Variants in COP1 observed in about 807,000 individuals in gnomAD.
COP1 encodes the protein COP1 E3 ubiquitin ligase.
Under a neutral mutation model 101.3 loss-of-function variants are expected in COP1, and 24 were observed. The observed-to-expected ratio is 0.24, with a 90% CI of 0.17 to 0.33. The LOEUF (loss-of-function observed/expected upper bound fraction) is 0.33, where lower values mean the gene tolerates loss of function less well. Ranked by LOEUF, COP1 falls within the 10% of genes least tolerant of loss-of-function variation. The probability of loss-of-function intolerance (pLI) is 1.00; values close to 1 mark genes in which losing one functional copy is unlikely to be tolerated. For missense variants in COP1, 663 were observed against 906.2 expected, an observed-to-expected ratio of 0.73 and a Z score of 3.45; for synonymous variants, 347 against 341.9, an observed-to-expected ratio of 1.01 and a Z score of -0.17.
At chr1:176,132,172 G>A (rs1232056672) in intron 8 of COP1, among the ~76,000 whole-genome samples, 1 of 151,614 alleles carries the variant, frequency 6.6e-6, no homozygotes, top group Non-Finnish European at 1.5e-5. Context: ...GGTTGAGAGG[G>A]ACACATCTTC....
At chr1:175,985,576 G>A (rs1405526683) in intron 18 of COP1, among the ~76,000 whole-genome samples, 2 of 152,254 alleles carry the variant, frequency 1.3e-5, no homozygotes, top group African/African-American at 4.8e-5. Context: ...TCCAATCCCT[G>A]CAACCCTGTG....
intron 11 of COP1, among the ~76,000 whole-genome samples, chr1:176,063,217 G>A (rs942798268): frequency 3.9e-4 from 59 of 151,622 alleles, no homozygotes; most frequent in African/African-American, 1.1e-3. Flanking sequence ...CCGCCACCGC[G>A]CCTGGCTAAT....
rs558126538 is a variant in COP1, at chr1:175,980,599, C to T, written c.2133+6344G>A. The stretch of plus-strand genomic sequence containing the variant: ...ATCTGTTATCCTGATCCCTGCCTCC[C>T]CTAACCCTAAAGCTACAGAAACTTT... On this transcript the variant is annotated intron_variant, in intron 18 of 19. Transcript: ENST00000367669. 3.3e-5 allele frequency among the ~76,000 whole-genome samples: 5 copies of T among 152,140 alleles called. No individual in the cohort carries two copies. In the South Asian group the frequency reaches 1.0e-3, roughly 32 times the overall value.
intron 11 of COP1, among the ~76,000 whole-genome samples, chr1:176,046,879 T>TC (rs1209900535): frequency 3.9e-5 from 6 of 151,902 alleles, no homozygotes. Context: ...CCATACCTAA[T>TC]CCCCCTCCCC....
At chr1:175,997,961 T>A (rs1287575726) in intron 15 of COP1, among the ~76,000 whole-genome samples, 1 of 151,408 alleles carries the variant, frequency 6.6e-6, no homozygotes, top group Non-Finnish European at 1.5e-5. Flanking sequence ...TTATGTTTAT[T>A]GCGGCACTAC....
At chr1:175,955,766 CCACACACACACACACA>C (rs60306255) in intron 18 of COP1, among the ~76,000 whole-genome samples, 2 of 129,192 alleles carry the variant, frequency 1.5e-5, no homozygotes, top group African/African-American at 2.8e-5. Flanking sequence ...TAGAGACAAA[CCACACACACACACACA>C]CACACACACA....
At chr1:176,105,742 C>T (rs938704111) in intron 9 of COP1, among the ~76,000 whole-genome samples, 66 of 152,096 alleles carry the variant, frequency 4.3e-4, no homozygotes, top group Non-Finnish European at 7.6e-4. Context: ...GTTGTTTTGG[C>T]GCAAAACACA....
rs951722365 is a variant in COP1, at chr1:176,031,496, G to A, written c.1613-3808C>T. On this transcript the variant is annotated intron_variant, in intron 14 of 19. Coordinates refer to ENST00000367669, the MANE Select transcript of COP1 (RefSeq NM_022457.7). ...AATTTAAATTTCAGAATTTATTGAC[G>A]AAAATTCCCTTCGAAAGAAAAAGTA... Among the ~76,000 whole-genome samples the A allele has an allele frequency of 3.9e-5, 6 of 152,118 alleles. No homozygotes were observed. The East Asian group carries it at 5.8e-4, about 15-fold the overall frequency.
intron 9 of COP1, among the ~76,000 whole-genome samples, chr1:176,093,378 A>T (rs1207498401): frequency 6.6e-6 from 1 of 152,168 alleles, no homozygotes; most frequent in Non-Finnish European, 1.5e-5. Context: ...TAATAATACT[A>T]AGATTGTAAT....
intron 11 of COP1, among the ~76,000 whole-genome samples, chr1:176,049,580 CT>C (rs890217844): frequency 1.3e-5 from 2 of 152,114 alleles, no homozygotes; most frequent in East Asian, 1.9e-4. Flanking sequence ...GGTCCCCCCC[CT>C]CAAACCACCT....
At chr1:176,154,478 C>CATAAAAAAGGAGA (rs1693148926) in intron 5 of COP1, among the ~76,000 whole-genome samples, 1 of 152,160 alleles carries the variant, frequency 6.6e-6, no homozygotes, top group Non-Finnish European at 1.5e-5. Flanking sequence ...AGATCACGTC[C>CATAAAAAAGGAGA]TCTGCAGGAA....
intron 16 of COP1, 108 bp downstream of exon 16, chr1:175,989,254 C>A: frequency 1.8e-6 from 1 of 565,590 alleles, no homozygotes; most frequent in Non-Finnish European, 3.2e-6. Flanking sequence ...AGAAAAAGTA[C>A]ATATACTCCA....
intron 14 of COP1, among the ~76,000 whole-genome samples, chr1:176,030,264 A>G (rs1668433097): frequency 6.6e-6 from 1 of 152,202 alleles, no homozygotes; most frequent in Non-Finnish European, 1.5e-5. Flanking sequence ...CTAAGATGAG[A>G]TGGCTCCCTG....
chr1:175,983,472 G>A (rs1354446159), intron 18 of COP1, among the ~76,000 whole-genome samples: 1 of 152,184 alleles, frequency 6.6e-6, no homozygotes, highest in Non-Finnish European at 1.5e-5. Flanking sequence ...GTGGAACTGC[G>A]AGTCCAATAA....
At chr1:176,078,310 A>G (rs1202895185) in intron 11 of COP1, among the ~76,000 whole-genome samples, 1 of 152,128 alleles carries the variant, frequency 6.6e-6, no homozygotes, top group East Asian at 1.9e-4. Context: ...CATAAGACCA[A>G]TGGAATAGAA....
At chr1:176,077,868 T>C (rs1192667363) in intron 11 of COP1, among the ~76,000 whole-genome samples, 2 of 151,040 alleles carry the variant, frequency 1.3e-5, no homozygotes, top group Non-Finnish European at 2.9e-5. Context: ...ACATTCTAGC[T>C]GAGAAAGAAA....
intron 9 of COP1, among the ~76,000 whole-genome samples, chr1:176,109,261 C>T (rs1338648349): frequency 6.6e-6 from 1 of 151,956 alleles, no homozygotes; most frequent in African/African-American, 2.4e-5. Context: ...CTTCTTTCTT[C>T]ATTTCTATAG....
chr1:176,054,534 T>C (rs1289155461), intron 11 of COP1, among the ~76,000 whole-genome samples: 7 of 152,196 alleles, frequency 4.6e-5, no homozygotes, highest in African/African-American at 1.7e-4. Flanking sequence ...AGGCTCCCAC[T>C]AACCACATCC....
rs543621875 is a variant in COP1 at position 176,197,117 on chromosome 1, A to G, written c.407+9455T>C. On this transcript the variant is annotated intron_variant, in intron 1 of 19. Transcript: ENST00000367669. ...AATAATCAAGGTAAAATACAGTCAT[A>G]TTGGTGGACCCCAATCCAATACAAC... 2.0e-5 allele frequency among the ~76,000 whole-genome samples: 3 copies of G among 152,334 alleles called. No homozygotes were observed. In the South Asian group the frequency reaches 6.2e-4, roughly 32 times the overall value.
Sources: allele counts gnomAD v4.1 joint callset (sites outside exome capture counted in the v4.1 genomes callset), GRCh38; gene constraint gnomAD v4.1.1; transcripts MANE v1.5; gene names NCBI Gene and HGNC (gene_info 2026-07-23, HGNC 2026-07-21).